Variants in HOGA1 observed in about 807,000 individuals in gnomAD.
The protein encoded by HOGA1 is 4-hydroxy-2-oxoglutarate aldolase, mitochondrial.
In HOGA1, 30 loss-of-function variants were observed where a neutral mutation model predicts 34.3. That is an observed-to-expected ratio of 0.87 (90% CI 0.65 to 1.19). HOGA1 has a LOEUF of 1.19. Ranked by LOEUF, HOGA1 falls within the 50% of genes most tolerant of loss-of-function variation. The pLI is 0.00. For synonymous variants in HOGA1, 161 were observed against 174.0 expected (o/e 0.93, Z 0.59); for missense variants, 417 against 436.5 (o/e 0.96, Z 0.40).
chr10:97,602,253 A>C, intron 6 of HOGA1: 3 of 1,454,808 alleles, frequency 2.1e-6, no homozygotes, highest in Non-Finnish European at 1.8e-6. Flanking sequence ...TTTGGGCCCA[A>C]GAAGATGCAT....
At chr10:97,599,275 G>T in intron 3 of HOGA1, 59 bp downstream of exon 3, 2 of 1,601,032 alleles carry the variant, frequency 1.2e-6, no homozygotes, top group Non-Finnish European at 1.7e-6. Context: ...GATAAGGGAA[G>T]CTGGGAATAG....
Position 97,598,772 on chromosome 10 carries a change from C to G in HOGA1, c.212-3C>G. 3.1e-6 allele frequency: 5 copies of G among 1,614,228 alleles called. No homozygotes were observed. Among genetic ancestry groups the G allele is most frequent in the East Asian group, 2.2e-5 (1 of 44,886 alleles). On this transcript the variant is annotated splice_polypyrimidine_tract_variant and splice_region_variant and intron_variant, in intron 1 of 6. Transcript: ENST00000370646. ...AGGAGTTAGTCAGCTGTGTCTCTTG[C>G]AGGCTTCGTGGTCCAGGGCTCCAAT...
intron 1 of HOGA1, among the ~76,000 whole-genome samples, chr10:97,592,986 C>T (rs752702108): frequency 1.4e-5 from 2 of 140,870 alleles, no homozygotes; most frequent in African/African-American, 2.7e-5. Flanking sequence ...ACAGTGATCG[C>T]TCCACTGCAC....
intron 1 of HOGA1, among the ~76,000 whole-genome samples, chr10:97,592,152 A>T (rs1004224728): frequency 6.6e-6 from 1 of 151,594 alleles, no homozygotes; most frequent in Non-Finnish European, 1.5e-5. Context: ...ACCAGTGTTA[A>T]TTCTTTGGTT....
At position 97,602,127 on chromosome 10, in the gene HOGA1, G is replaced by A. The variant is rs989090104; in HGVS notation, c.834+137G>A. ...AAATCCTTTGAGAGAACATCCCAGT[G>A]TGGGAACTCCTTGTGACTCCCAGAA... On this transcript the variant is annotated intron_variant, in intron 6 of 6. Transcript: ENST00000370646. The A allele has an allele frequency of 2.6e-6, 4 of 1,549,596 alleles. No homozygotes were observed. In the African/African-American group the frequency reaches 5.5e-5, roughly 21 times the overall value.
chr10:97,611,281 G>A (rs1406054326), intron 6 of HOGA1, among the ~76,000 whole-genome samples: 1 of 152,160 alleles, frequency 6.6e-6, no homozygotes, highest in Admixed American at 6.5e-5. Flanking sequence ...AAAACCAAAG[G>A]AGGCACTCTT....
intron 3 of HOGA1, 179 bp downstream of exon 3, chr10:97,599,395 C>T (rs2041098261): frequency 1.3e-6 from 1 of 758,078 alleles, no homozygotes; most frequent in Non-Finnish European, 2.2e-6. Flanking sequence ...CTGCTTTCTC[C>T]CCTCTAAAAT....
At chr10:97,589,140 C>T (rs1396725762) in intron 1 of HOGA1, among the ~76,000 whole-genome samples, 1 of 152,098 alleles carries the variant, frequency 6.6e-6, no homozygotes, top group East Asian at 1.9e-4. Context: ...CTTCTCAGCC[C>T]ACTGCTTGCC....
At position 97,591,723 on chromosome 10, in the gene HOGA1, C is replaced by T. The variant is rs572425254; in HGVS notation, c.211+6809C>T. Among the ~76,000 whole-genome samples, 20 of 151,726 alleles carry T rather than the reference C, an allele frequency of 1.3e-4. No homozygotes were observed. In the East Asian group the frequency reaches 3.3e-3, roughly 25 times the overall value. On this transcript the variant is annotated intron_variant, in intron 1 of 6. Transcript: ENST00000370646. ...CACTGCAACCTCTGCCTCTTGGGTT[C>T]GAGCGATCCTCCCACCTCAGCTTCC...
intron 1 of HOGA1, among the ~76,000 whole-genome samples, chr10:97,591,854 T>TGTGTGA (rs1281039160): frequency 6.7e-6 from 1 of 149,214 alleles, no homozygotes; most frequent in African/African-American, 2.5e-5. Flanking sequence ...TGTGTGTGTG[T>TGTGTGA]GTGTGACAGA....
chr10:97,592,013 TG>T (rs1437004822), intron 1 of HOGA1, among the ~76,000 whole-genome samples: 6 of 150,412 alleles, frequency 4.0e-5, no homozygotes, highest in Admixed American at 1.3e-4. Context: ...AAATTTTTTT[TG>T]TATTTTTAGT....
Position 97,602,026 on chromosome 10 carries a change from G to T in HOGA1, c.834+36G>T, listed in dbSNP as rs755324242. ...GGCAGCGGGGGCGCGGCCTGGCGGG[G>T]GGTGGGCAGTCTGTGTCCTCATTGG... On this transcript the variant is annotated intron_variant, in intron 6 of 6. Transcript: ENST00000370646. 67 of 1,589,766 alleles carry T rather than the reference G, an allele frequency of 4.2e-5. No homozygotes were observed. The East Asian group carries it at 1.4e-3, about 34-fold the overall frequency.
intron 1 of HOGA1, among the ~76,000 whole-genome samples, chr10:97,595,697 A>T (rs1442775785): frequency 6.6e-6 from 1 of 152,190 alleles, no homozygotes; most frequent in Non-Finnish European, 1.5e-5. Flanking sequence ...TCTGTCTCAA[A>T]ACAAAACAAA....
Position 97,585,824 on chromosome 10 carries a change from C to T in HOGA1, c.211+910C>T, listed in dbSNP as rs138112590. ...AGCTTTGTTGTGGCTGCTATTGAGG[C>T]AGTATCGTGTAGACTGTGGACTCTG... On this transcript the variant is annotated intron_variant, in intron 1 of 6. Coordinates refer to ENST00000370646, the MANE Select transcript of HOGA1 (RefSeq NM_138413.4). Among the ~76,000 whole-genome samples, 159 of 152,306 alleles carry T rather than the reference C, an allele frequency of 1.0e-3. 1 individual carries two copies. Among genetic ancestry groups the T allele is most frequent in the African/African-American group, 3.8e-3 (156 of 41,558 alleles).
Position 97,589,705 on chromosome 10 carries a change from AG to A in HOGA1, c.211+4796del, listed in dbSNP as rs1480852246. The A allele has an allele frequency of 5.5e-6, 3 of 549,596 alleles. No homozygotes were observed. In the African/African-American group the frequency reaches 5.7e-5, roughly 10 times the overall value. The allele number at this position is 549,596 out of a possible 1,614,324, so 34.0% of individuals were successfully genotyped here. On this transcript the variant is annotated intron_variant, in intron 1 of 6. Coordinates refer to ENST00000370646, the MANE Select transcript of HOGA1 (RefSeq NM_138413.4). ...GGGGGGCACCTAGGGAGGGTGCAGC[AG>A]GGGGCCTGCCTGTCAGACATCCTTG... is the stretch of plus-strand genomic sequence containing the variant.
At chr10:97,600,311 C>T in intron 5 of HOGA1, 148 bp downstream of exon 5, 1 of 721,320 alleles carries the variant, frequency 1.4e-6, no homozygotes, top group Non-Finnish European at 2.5e-6. Context: ...GAAACCTGGC[C>T]ACGCCGCTTA....
intron 2 of HOGA1, 67 bp from the exon 3 acceptor site, chr10:97,599,022 C>T (rs1461169794): frequency 1.7e-5 from 27 of 1,607,814 alleles, no homozygotes; most frequent in Middle Eastern, 2.1e-4. Context: ...GAGGCACCTT[C>T]GCTTGGCCCA....
In HOGA1 at chr10:97,584,884, C is replaced by G. The variant is rs957227758; in HGVS notation, c.181C>G (p.Leu61Val). ...GGACTATGGGAAACTGGAGGAGAATCTGCACAAACTGGGCACCTTCCCCTT... is the reference window on the plus strand; with the variant it reads ...GGACTATGGGAAACTGGAGGAGAATGTGCACAAACTGGGCACCTTCCCCTT... ...EVDYGKLEENLHKLGTFPFRG... is the reference protein window; with the variant it reads ...EVDYGKLEENVHKLGTFPFRG... Residue 61 changes from leucine (L) to valine (V), a missense_variant, in exon 1 of 7, where the codon CTG (leucine) becomes GTG (valine). Leu to Val is a conservative substitution (Grantham distance 32, BLOSUM62 1). Coordinates refer to ENST00000370646, the MANE Select transcript of HOGA1 (RefSeq NM_138413.4). 6.2e-7 allele frequency: 1 copy of G among 1,614,198 alleles called. No homozygotes were observed.
chr10:97,584,878 G>A lies in HOGA1; in HGVS notation c.175G>A (p.Glu59Lys), dbSNP rs1192338945. ...TAEVDYGKLE[E>K]NLHKLGTFPF... Reference sequence around the variant, plus strand: ...AGAGGTGGACTATGGGAAACTGGAGGAGAATCTGCACAAACTGGGCACCTT... The same window carrying A: ...AGAGGTGGACTATGGGAAACTGGAGAAGAATCTGCACAAACTGGGCACCTT... The change falls in exon 1 of 7, where the codon GAG becomes AAG. Residue 59 changes from glutamate to lysine, a missense_variant. Physicochemically the swap from Glu to Lys is moderately conservative, Grantham distance 56. Coordinates refer to ENST00000370646, the MANE Select transcript of HOGA1 (RefSeq NM_138413.4). 1 of 1,614,046 alleles carries A rather than the reference G, an allele frequency of 6.2e-7. No homozygotes were observed. Among genetic ancestry groups the A allele is most frequent in the Non-Finnish European group, 8.5e-7 (1 of 1,180,048 alleles).
Sources: allele counts gnomAD v4.1 joint callset (sites outside exome capture counted in the v4.1 genomes callset), GRCh38; gene constraint gnomAD v4.1.1; transcripts MANE v1.5; gene names NCBI Gene and HGNC (gene_info 2026-07-23, HGNC 2026-07-21).